MTHFD2L: variants seen among roughly 807,000 people sequenced by gnomAD.
MTHFD2L encodes methylenetetrahydrofolate dehydrogenase (NADP+ dependent) 2 like.
Under a neutral mutation model 34.9 loss-of-function variants are expected in MTHFD2L, and 29 were observed. That is an observed-to-expected ratio of 0.83 (90% confidence interval 0.62 to 1.13). The LOEUF (loss-of-function observed/expected upper bound fraction) is 1.13, where lower values mean the gene tolerates loss of function less well. Among genes scored for constraint, MTHFD2L ranks in the 50% most tolerant of loss-of-function variants. The pLI, the probability that MTHFD2L is intolerant of heterozygous loss-of-function variation, is 0.00. For missense variants in MTHFD2L, 481 were observed against 446.5 expected (o/e 1.08, Z -0.70); for synonymous variants, 167 against 155.7 (o/e 1.07, Z -0.54).
At chr4:74,167,323 A>C (rs558099042) in intron 1 of MTHFD2L, among the ~76,000 whole-genome samples, 1 of 152,210 alleles carries the variant, frequency 6.6e-6, no homozygotes, top group Non-Finnish European at 1.5e-5. Flanking sequence ...GTTTAGAAAG[A>C]CTGGAATAGG....
chr4:74,124,764 A>C (rs1214579465), upstream of MTHFD2L, among the ~76,000 whole-genome samples: 2 of 152,118 alleles, frequency 1.3e-5, no homozygotes, highest in Non-Finnish European at 2.9e-5. Flanking sequence ...ATGCCAGTGC[A>C]TGAGGACACA....
At chr4:74,166,333 C>T (rs546752378) in intron 1 of MTHFD2L, among the ~76,000 whole-genome samples, 1 of 152,296 alleles carries the variant, frequency 6.6e-6, no homozygotes, top group Admixed American at 6.5e-5. Flanking sequence ...GTCTTTGCCT[C>T]TGTTGTTAAA....
chr4:74,222,295 A>G (rs1404852769), intron 5 of MTHFD2L, among the ~76,000 whole-genome samples: 3 of 150,222 alleles, frequency 2.0e-5, no homozygotes, highest in South Asian at 2.1e-4. Context: ...ATAGAAATTT[A>G]TTTCTGAACA....
chr4:74,116,903 G>A (rs374457843), intron 2 of MTHFD2L, among the ~76,000 whole-genome samples: 2 of 152,338 alleles, frequency 1.3e-5, no homozygotes, highest in African/African-American at 4.8e-5. Context: ...ACTCATGTCT[G>A]CTACATTAAA....
At chr4:74,123,090 A>G (rs1455618334), upstream of MTHFD2L, among the ~76,000 whole-genome samples, 1 of 152,178 alleles carries the variant, frequency 6.6e-6, no homozygotes, top group Non-Finnish European at 1.5e-5. Flanking sequence ...AATCAGGTTA[A>G]ATTTTAAGCA....
At chr4:74,232,512 T>C (rs1740230171) in intron 6 of MTHFD2L, among the ~76,000 whole-genome samples, 1 of 152,120 alleles carries the variant, frequency 6.6e-6, no homozygotes, top group Non-Finnish European at 1.5e-5. Flanking sequence ...CCTAAGTTAC[T>C]AAGTAAGCAA....
At chr4:74,300,618 A>G (rs1193532645) in intron 7 of MTHFD2L, among the ~76,000 whole-genome samples, 1 of 152,070 alleles carries the variant, frequency 6.6e-6, no homozygotes, top group African/African-American at 2.4e-5. Context: ...TTCACACAGT[A>G]AACCACCATA....
intron 6 of MTHFD2L, among the ~76,000 whole-genome samples, chr4:74,268,513 G>C (rs1745583079): frequency 6.6e-6 from 1 of 151,968 alleles, no homozygotes; most frequent in African/African-American, 2.4e-5. Context: ...TGTGAATGAG[G>C]ATAATGGGTA....
At chr4:74,284,531 G>GT (rs1019825319) in intron 7 of MTHFD2L, among the ~76,000 whole-genome samples, 124 of 143,730 alleles carry the variant, frequency 8.6e-4, no homozygotes, top group East Asian at 3.9e-3. Context: ...GGGGTTGTTT[G>GT]TTTTTTTTTT....
chr4:74,188,777 T>TGTATATATATGG lies in MTHFD2L; in HGVS notation c.452-11007_452-11006insGGGTATATATAT, dbSNP rs58239104. On this transcript the variant is annotated intron_variant, in intron 3 of 7. Transcript: ENST00000325278. ...GGGTATATATATATGTGTATACATA[T>TGTATATATATGG]GTATATATATATGGGTATATATATA... is the stretch of plus-strand genomic sequence containing the variant. Among the ~76,000 whole-genome samples the TGTATATATATGG allele has an allele frequency of 1.5e-3, 82 of 56,406 alleles. 11 individuals carry two copies. Among genetic ancestry groups the TGTATATATATGG allele is most frequent in the African/African-American group, 0.012 (63 of 5,338 alleles). The allele number at this position is 56,406 out of a possible 152,430, so 37.0% of individuals were successfully genotyped here.
At chr4:74,213,562 G>C (rs778852690) in intron 5 of MTHFD2L, among the ~76,000 whole-genome samples, 2 of 152,194 alleles carry the variant, frequency 1.3e-5, no homozygotes, top group African/African-American at 4.8e-5. Flanking sequence ...TCTGCAGAGA[G>C]ATCTGTTGTT....
chr4:74,141,533 AAC>A (rs2065168501), intron 1 of MTHFD2L, among the ~76,000 whole-genome samples: 2 of 152,136 alleles, frequency 1.3e-5, no homozygotes, highest in Admixed American at 6.6e-5. Flanking sequence ...TGATTACTAA[AAC>A]AGTCTTCTAA....
intron 1 of MTHFD2L, among the ~76,000 whole-genome samples, chr4:74,135,743 T>A (rs1578237057): frequency 6.6e-6 from 1 of 151,818 alleles, no homozygotes; most frequent in Non-Finnish European, 1.5e-5. Context: ...TGAACACAGA[T>A]GTAAAAATCT....
chr4:74,267,688 G>T lies in MTHFD2L; in HGVS notation c.806-13737G>T, dbSNP rs145243429. The T allele has an allele frequency of 1.2e-3, 1,156 of 984,010 alleles. 10 individuals are homozygous for T. In the African/African-American group the frequency reaches 0.019, roughly 16 times the overall value. The allele number at this position is 984,010 out of a possible 1,614,324, so 61.0% of individuals were successfully genotyped here. A position where few individuals can be genotyped will look rare whatever the true frequency, so the allele number is the denominator to read the frequency against. On this transcript the variant is annotated intron_variant, in intron 6 of 7. Coordinates refer to ENST00000325278, the MANE Select transcript of MTHFD2L (RefSeq NM_001144978.3). The stretch of plus-strand genomic sequence containing the variant: ...GGGCTCTGGCGATCCTCCCACCTTG[G>T]CCTCTTAAAGTTCTGGGATTACAGG...
At chr4:74,267,325 C>G in intron 6 of MTHFD2L, 2 of 718,990 alleles carry the variant, frequency 2.8e-6, no homozygotes, top group Non-Finnish European at 3.4e-6. Context: ...TTCTCTTTCT[C>G]TCTTTCTTTC....
chr4:74,206,550 A>G (rs759093306), intron 5 of MTHFD2L, among the ~76,000 whole-genome samples: 1 of 152,154 alleles, frequency 6.6e-6, no homozygotes, highest in Non-Finnish European at 1.5e-5. Context: ...AAGGCTAAGG[A>G]AAGTCTTCTG....
At chr4:74,266,045 A>C (rs1412523972) in intron 6 of MTHFD2L, among the ~76,000 whole-genome samples, 1 of 152,208 alleles carries the variant, frequency 6.6e-6, no homozygotes, top group Non-Finnish European at 1.5e-5. Flanking sequence ...ACAGTTCAGT[A>C]ATTTGATAAC....
intron 1 of MTHFD2L, among the ~76,000 whole-genome samples, chr4:74,165,445 C>T (rs1483211167): frequency 6.6e-6 from 1 of 152,154 alleles, no homozygotes; most frequent in Admixed American, 6.5e-5. Context: ...GCAACCTCCG[C>T]CTCCTGGGTT....
intron 6 of MTHFD2L, among the ~76,000 whole-genome samples, chr4:74,272,982 A>T (rs1267818914): frequency 6.6e-6 from 1 of 152,160 alleles, no homozygotes; most frequent in Non-Finnish European, 1.5e-5. Flanking sequence ...AGACATTCAA[A>T]ATCTACAGCT....
Sources: gnomAD v4.1 joint callset for allele counts (sites outside exome capture counted in the v4.1 genomes callset) on GRCh38, gnomAD v4.1.1 for gene constraint, MANE v1.5 for transcripts, NCBI Gene and HGNC (gene_info 2026-07-23, HGNC 2026-07-21) for gene names.